The following BCAR3 variants were observed in gnomAD, a reference collection of about 807,000 sequenced individuals.
BCAR3 encodes BCAR3 adaptor protein, NSP family member.
In BCAR3, 37 loss-of-function variants were observed where a neutral mutation model predicts 80.1. The observed-to-expected ratio is 0.46, with a 90% CI of 0.36 to 0.61. The LOEUF is 0.61. Ranked by LOEUF, BCAR3 falls within the 20% of genes least tolerant of loss-of-function variation. The pLI, the probability that BCAR3 is intolerant of heterozygous loss-of-function variation, is 0.00. For synonymous variants in BCAR3, 389 were observed against 418.9 expected, an observed-to-expected ratio of 0.93 and a Z score of 0.87; for missense variants, 978 against 1,068.2, an observed-to-expected ratio of 0.92 and a Z score of 1.18.
chr1:93,781,185 A>C (rs1652749997), intron 2 of BCAR3, among the ~76,000 whole-genome samples: 1 of 152,268 alleles, frequency 6.6e-6, no homozygotes, highest in Non-Finnish European at 1.5e-5. Context: ...AATACAAAAG[A>C]AACAACCATG....
rs867460451 is a variant in BCAR3, at chr1:93,760,379, G to A, written c.-62-54237C>T. On this transcript the variant is annotated intron_variant, in intron 2 of 13. Coordinates refer to the BCAR3 transcript ENST00000370244. The stretch of plus-strand genomic sequence containing the variant: ...AGGCGATAAAGGTCTGACTTCGGGT[G>A]AGACTCAATGAGAAGTGGGGAGCAG... Among the ~76,000 whole-genome samples, 6 of 152,280 alleles carry A rather than the reference G, an allele frequency of 3.9e-5. No homozygotes were observed. The Middle Eastern group carries it at 0.014, about 345-fold the overall frequency.
chr1:93,749,889 ATT>A (rs368121693), intron 2 of BCAR3, among the ~76,000 whole-genome samples: 60 of 133,376 alleles, frequency 4.5e-4, no homozygotes, highest in Non-Finnish European at 5.4e-4. Context: ...ATCTTGACTT[ATT>A]TTTTTTTTTT....
At chr1:93,710,148 G>C (rs1419536273) in intron 2 of BCAR3, among the ~76,000 whole-genome samples, 1 of 152,212 alleles carries the variant, frequency 6.6e-6, no homozygotes, top group Non-Finnish European at 1.5e-5. Flanking sequence ...GGTGGATAGG[G>C]GGTGGGAAGC....
intron 2 of BCAR3, among the ~76,000 whole-genome samples, chr1:93,787,124 T>C (rs1294101828): frequency 6.6e-6 from 1 of 152,198 alleles, no homozygotes; most frequent in Admixed American, 6.5e-5. Context: ...AAAGAAATGC[T>C]CATAGTTTAA....
At chr1:93,668,279 G>A (rs568861105) in intron 2 of BCAR3, among the ~76,000 whole-genome samples, 36 of 152,278 alleles carry the variant, frequency 2.4e-4, no homozygotes, top group African/African-American at 6.7e-4. Context: ...CTGAGAATGC[G>A]TAGATCCTGG....
At chr1:93,626,197 C>T (rs551853147) in intron 3 of BCAR3, among the ~76,000 whole-genome samples, 6 of 152,168 alleles carry the variant, frequency 3.9e-5, no homozygotes, top group Non-Finnish European at 7.4e-5. Context: ...ACCCTTACTT[C>T]AAGGATTGAC....
chr1:93,691,441 T>TC (rs1649183778), intron 3 of BCAR3, among the ~76,000 whole-genome samples: 1 of 152,236 alleles, frequency 6.6e-6, no homozygotes, highest in Admixed American at 6.5e-5. Context: ...CAGATTACTG[T>TC]CCCTTTCTCT....
At chr1:93,810,569 T>G (rs917581242) in intron 2 of BCAR3, among the ~76,000 whole-genome samples, 2 of 152,186 alleles carry the variant, frequency 1.3e-5, no homozygotes, top group African/African-American at 4.8e-5. Context: ...CCCTGCAGCA[T>G]CATCCTTCTC....
chr1:93,639,665 C>T lies in BCAR3; in HGVS notation c.357+2639G>A, dbSNP rs550717580. On this transcript the variant is annotated intron_variant, in intron 3 of 11. Coordinates refer to ENST00000260502, the MANE Select transcript of BCAR3 (RefSeq NM_003567.4). ...CTAATTTTTGTATTTTTAGTAGAGACAGGGTTTCACCATGTTGGCCAGGCT... is the reference window on the plus strand; with the variant it reads ...CTAATTTTTGTATTTTTAGTAGAGATAGGGTTTCACCATGTTGGCCAGGCT... Among the ~76,000 whole-genome samples, 469 of 152,078 alleles carry T rather than the reference C, an allele frequency of 3.1e-3. 1 individual carries two copies. Among genetic ancestry groups the T allele is most frequent in the Non-Finnish European group, 5.2e-3 (352 of 67,974 alleles).
At chr1:93,681,843 G>C (rs537564178), upstream of BCAR3, 27 of 152,178 alleles carry the variant, frequency 1.8e-4, no homozygotes, top group African/African-American at 6.3e-4. Context: ...GCTCTGAGCC[G>C]GCGGCGCGCA....
chr1:93,701,007 C>A (rs1649623021), intron 3 of BCAR3, among the ~76,000 whole-genome samples: 1 of 152,212 alleles, frequency 6.6e-6, no homozygotes, highest in Non-Finnish European at 1.5e-5. Context: ...GCCTTCGGGG[C>A]AGCCAAACCT....
upstream of BCAR3, among the ~76,000 whole-genome samples, chr1:93,682,585 G>C (rs1648832798): frequency 6.6e-6 from 1 of 152,048 alleles, no homozygotes. Context: ...ACAGAGTTTC[G>C]GTCTTGTTGC....
At chr1:93,676,171 A>T (rs1427847493) in intron 1 of BCAR3, among the ~76,000 whole-genome samples, 1 of 152,148 alleles carries the variant, frequency 6.6e-6, no homozygotes, top group Non-Finnish European at 1.5e-5. Flanking sequence ...TTTGCATGAA[A>T]ATCCTCACTT....
At chr1:93,663,060 T>G (rs1230554187) in intron 2 of BCAR3, among the ~76,000 whole-genome samples, 1 of 152,160 alleles carries the variant, frequency 6.6e-6, no homozygotes, top group Non-Finnish European at 1.5e-5. Context: ...TAGAGTCTCT[T>G]GTCATGGCCT....
At chr1:93,579,469 C>G (rs999703793) in intron 7 of BCAR3, among the ~76,000 whole-genome samples, 2 of 152,096 alleles carry the variant, frequency 1.3e-5, no homozygotes, top group African/African-American at 4.8e-5. Flanking sequence ...CTGGGGACCC[C>G]ATCCAGCCCC....
intron 3 of BCAR3, among the ~76,000 whole-genome samples, chr1:93,615,481 C>A (rs2101884077): frequency 6.6e-6 from 1 of 152,334 alleles, no homozygotes; most frequent in South Asian, 2.1e-4. Flanking sequence ...CTCCCTCACT[C>A]ATTCTCCTCT....
Position 93,744,331 on chromosome 1 carries a change from G to A in BCAR3, c.-62-38189C>T, listed in dbSNP as rs531381786. On this transcript the variant is annotated intron_variant, in intron 2 of 13. Coordinates refer to the BCAR3 transcript ENST00000370244. ...GTCCCTTTCTTCCTCCTGAGGATAC[G>A]TTTCAACAGGGGTAAATACCCATAA... Among the ~76,000 whole-genome samples, 59 of 152,252 alleles carry A rather than the reference G, an allele frequency of 3.9e-4. 2 individuals are homozygous for A. The South Asian group carries it at 3.9e-3, about 10-fold the overall frequency.
intron 2 of BCAR3, among the ~76,000 whole-genome samples, chr1:93,657,587 T>C (rs1386897794): frequency 6.6e-6 from 1 of 152,236 alleles, no homozygotes; most frequent in African/African-American, 2.4e-5. Context: ...ATAAAGTTTA[T>C]TCCAGGCATA....
chr1:93,738,564 C>T (rs980587814), intron 2 of BCAR3, among the ~76,000 whole-genome samples: 5 of 152,202 alleles, frequency 3.3e-5, no homozygotes, highest in African/African-American at 7.2e-5. Context: ...GATGAGTCTC[C>T]GCCTGGCACT....
Sources: gnomAD v4.1 joint callset for allele counts (sites outside exome capture counted in the v4.1 genomes callset) on GRCh38, gnomAD v4.1.1 for gene constraint, MANE v1.5 for transcripts, NCBI Gene and HGNC (gene_info 2026-07-23, HGNC 2026-07-21) for gene names.